DIAPH2: variants seen among roughly 807,000 people sequenced by gnomAD.
DIAPH2 encodes protein diaphanous homolog 2.
Under a neutral mutation model 92.7 loss-of-function variants are expected in DIAPH2, and 35 were observed. The ratio of observed to expected loss-of-function variants is 0.38; its 90% CI spans 0.29 to 0.50. The LOEUF (loss-of-function observed/expected upper bound fraction) is 0.50, where lower values mean the gene tolerates loss of function less well. Among genes scored for constraint, DIAPH2 ranks in the 20% least tolerant of loss-of-function variants. The pLI, the probability that DIAPH2 is intolerant of heterozygous loss-of-function variation, is 0.94. For missense variants in DIAPH2, 701 were observed against 819.5 expected (o/e 0.86, Z 1.77); for synonymous variants, 301 against 280.4 (o/e 1.07, Z -0.73).
At chrX:96,956,158 T>C (rs1308016315) in intron 15 of DIAPH2, among the ~76,000 whole-genome samples, 4 of 113,071 alleles carry the variant, frequency 3.5e-5, no homozygotes, top group Non-Finnish European at 7.5e-5. Flanking sequence ...TCTTCACTTC[T>C]GTGTACCTGC....
At chrX:96,948,591 A>G (rs1040805101) in intron 14 of DIAPH2, among the ~76,000 whole-genome samples, 2 of 112,034 alleles carry the variant, frequency 1.8e-5, no homozygotes, top group African/African-American at 6.5e-5. Flanking sequence ...ATGGGATGAA[A>G]TATTTTTAAA....
Position 97,600,219 on chromosome X carries a change from C to A in DIAPH2, c.*902C>A, listed in dbSNP as rs1602693517. The A allele has an allele frequency of 8.9e-6, 1 of 111,922 alleles. No individual in the cohort carries two copies. Among genetic ancestry groups the A allele is most frequent in the East Asian group, 2.8e-4 (1 of 3,563 alleles). The allele number at this position is 111,922 out of a possible 1,213,427, so 9.2% of individuals were successfully genotyped here. A position where few individuals can be genotyped will look rare whatever the true frequency, so the allele number is the denominator to read the frequency against. On this transcript the variant is annotated 3_prime_UTR_variant, in exon 27 of 27. Coordinates refer to ENST00000324765, the MANE Select transcript of DIAPH2 (RefSeq NM_006729.5). The stretch of plus-strand genomic sequence containing the variant: ...GATTCCTATGCTCTGTGGTTTATTT[C>A]TTTTTTCTATTGCTTCTTTCTCCCT...
At chrX:97,047,542 C>CTTTTTTTTTTTTTT (rs5903064) in intron 17 of DIAPH2, among the ~76,000 whole-genome samples, 2 of 30,101 alleles carry the variant, frequency 6.6e-5, no homozygotes, top group African/African-American at 3.1e-4. Context: ...ATAAAATAGG[C>CTTTTTTTTTTTTTT]TTTTTTTTTT....
chrX:97,358,730 G>A (rs1319736586), intron 24 of DIAPH2, among the ~76,000 whole-genome samples: 3 of 110,338 alleles, frequency 2.7e-5, no homozygotes, highest in Non-Finnish European at 5.7e-5. Flanking sequence ...CATGTAAATT[G>A]TAGAAAAATT....
intron 4 of DIAPH2, among the ~76,000 whole-genome samples, chrX:96,879,531 GTGT>G (rs1467158435): frequency 1.8e-5 from 2 of 111,624 alleles, no homozygotes; most frequent in Non-Finnish European, 1.9e-5. Flanking sequence ...GATGAACTTT[GTGT>G]TGTTGTAGAA....
At chrX:96,813,378 A>G (rs1178158068) in intron 4 of DIAPH2, among the ~76,000 whole-genome samples, 1 of 108,493 alleles carries the variant, frequency 9.2e-6, no homozygotes, top group African/African-American at 3.4e-5. Flanking sequence ...TTTGCTTGGT[A>G]GATCTTCCTC....
At chrX:96,980,522 T>G (rs1454911386) in intron 17 of DIAPH2, among the ~76,000 whole-genome samples, 1 of 110,136 alleles carries the variant, frequency 9.1e-6, no homozygotes, top group Non-Finnish European at 1.9e-5. Flanking sequence ...AAAGCAACAC[T>G]CAAGTGGGAA....
At chrX:96,885,066 G>T (rs375123066) in intron 5 of DIAPH2, 40 of 1,206,698 alleles carry the variant, frequency 3.3e-5, no homozygotes, top group Middle Eastern at 2.3e-4. Context: ...ATCCCACTGT[G>T]GATCGGGAGC....
intron 4 of DIAPH2, among the ~76,000 whole-genome samples, chrX:96,770,366 G>A (rs933570761): frequency 9.0e-6 from 1 of 111,509 alleles, no homozygotes; most frequent in Admixed American, 9.5e-5. Context: ...ATAAATTGAA[G>A]TTTTATTAGT....
intron 26 of DIAPH2, among the ~76,000 whole-genome samples, chrX:97,537,596 G>A (rs1161225215): frequency 9.0e-6 from 1 of 111,272 alleles, no homozygotes; most frequent in African/African-American, 3.3e-5. Flanking sequence ...AAATTGATGG[G>A]ATGTCCCCTC....
At position 97,185,399 on chromosome X, in the gene DIAPH2, A is replaced by ATATATATG. The variant is rs1569323136; in HGVS notation, c.2719+43612_2719+43613insGTATATAT. ...TATATATGTATATATATATGTGTAT[A>ATATATATG]TATATATATATGTATATATATATGT... On this transcript the variant is annotated intron_variant, in intron 22 of 26. Coordinates refer to ENST00000324765, the MANE Select transcript of DIAPH2 (RefSeq NM_006729.5). Among the ~76,000 whole-genome samples, 60 of 49,064 alleles carry ATATATATG rather than the reference A, an allele frequency of 1.2e-3. 2 individuals are homozygous for ATATATATG. The highest frequency in any genetic ancestry group is 4.9e-3 in the East Asian group (9 of 1,844). The allele number at this position is 49,064 out of a possible 115,157, so 42.6% of individuals were successfully genotyped here. A position where few individuals can be genotyped will look rare whatever the true frequency, so the allele number is the denominator to read the frequency against.
intron 26 of DIAPH2, among the ~76,000 whole-genome samples, chrX:97,580,002 T>G (rs2071427445): frequency 2.7e-5 from 3 of 111,267 alleles, no homozygotes; most frequent in Non-Finnish European, 5.7e-5. Flanking sequence ...TGCTTGTGAT[T>G]TTTGCACATT....
intron 1 of DIAPH2, among the ~76,000 whole-genome samples, chrX:96,715,111 T>C (rs1400642759): frequency 6.2e-5 from 7 of 112,253 alleles, no homozygotes; most frequent in Admixed American, 2.8e-4. Context: ...GATTAAATAG[T>C]GAATTAGAGA....
At chrX:97,168,418 A>G (rs1273582028) in intron 22 of DIAPH2, among the ~76,000 whole-genome samples, 1 of 111,181 alleles carries the variant, frequency 9.0e-6, no homozygotes, top group Non-Finnish European at 1.9e-5. Context: ...CATTTCCTTT[A>G]GCACTTAGAC....
At chrX:96,718,336 G>GTTGTTTTTTTT in intron 1 of DIAPH2, among the ~76,000 whole-genome samples, 1 of 10,993 alleles carries the variant, frequency 9.1e-5, no homozygotes, top group East Asian at 7.0e-3. Flanking sequence ...CATTTTCTTT[G>GTTGTTTTTTTT]TTTTTTTTTT....
At chrX:96,749,095 G>T in intron 3 of DIAPH2, among the ~76,000 whole-genome samples, 1 of 86,291 alleles carries the variant, frequency 1.2e-5, no homozygotes, top group Admixed American at 1.5e-4. Context: ...ACTAGTCCAA[G>T]AGTCTCTAAA....
At chrX:96,837,433 C>CTCTCTGTGTG (rs1189132418) in intron 4 of DIAPH2, among the ~76,000 whole-genome samples, 1,181 of 41,255 alleles carry the variant, frequency 0.029, 37 homozygotes, top group East Asian at 0.17. Flanking sequence ...CTCTCTCTCT[C>CTCTCTGTGTG]TGTGTGTGTG....
At chrX:96,937,649 GA>G (rs2065666514) in intron 11 of DIAPH2, among the ~76,000 whole-genome samples, 1 of 111,641 alleles carries the variant, frequency 9.0e-6, no homozygotes, top group Non-Finnish European at 1.9e-5. Context: ...TACATGTAAG[GA>G]TTTTTTTGGG....
chrX:96,946,854 A>G (rs973836879), intron 14 of DIAPH2, among the ~76,000 whole-genome samples: 1 of 111,861 alleles, frequency 8.9e-6, no homozygotes, highest in Non-Finnish European at 1.9e-5. Flanking sequence ...AAGAAATTTC[A>G]GTGTTTGATG....
Sources: allele counts gnomAD v4.1 joint callset (sites outside exome capture counted in the v4.1 genomes callset), GRCh38; gene constraint gnomAD v4.1.1; transcripts MANE v1.5; gene names NCBI Gene and HGNC (gene_info 2026-07-23, HGNC 2026-07-21).